The following MTMR2 variants were observed in gnomAD, a reference collection of about 807,000 sequenced individuals.
MTMR2 encodes phosphatidylinositol-3,5-bisphosphate 3-phosphatase MTMR2.
A neutral mutation model predicts 86.9 loss-of-function variants in MTMR2; 55 were observed. The observed-to-expected ratio is 0.63, with a 90% CI of 0.51 to 0.79. The LOEUF is 0.79. Ranked by LOEUF, MTMR2 falls within the 30% of genes least tolerant of loss-of-function variation. MTMR2 has a pLI of 0.00. For missense variants in MTMR2, 659 were observed against 772.3 expected, an observed-to-expected ratio of 0.85 and a Z score of 1.74; for synonymous variants, 241 against 266.8, an observed-to-expected ratio of 0.90 and a Z score of 0.94.
At chr11:95,897,111 T>C (rs1048452284) in intron 1 of MTMR2, among the ~76,000 whole-genome samples, 1 of 152,020 alleles carries the variant, frequency 6.6e-6, no homozygotes, top group African/African-American at 2.4e-5. Flanking sequence ...TTAACTTTTT[T>C]GGTGGTCATA....
At chr11:95,923,580 G>A (rs892992639) in intron 1 of MTMR2, 3 of 999,318 alleles carry the variant, frequency 3.0e-6, no homozygotes, top group South Asian at 2.2e-5. Context: ...AAAGGTTTGA[G>A]AGGGAATGAA....
At chr11:95,910,873 G>C (rs909814023) in intron 1 of MTMR2, among the ~76,000 whole-genome samples, 4 of 151,548 alleles carry the variant, frequency 2.6e-5, no homozygotes. Flanking sequence ...TTCTGTTGAA[G>C]ATTTTATTTA....
chr11:95,844,943 C>A lies in MTMR2; in HGVS notation c.1386+10G>T. 1 of 1,581,894 alleles carries A rather than the reference C, an allele frequency of 6.3e-7. No homozygotes were observed. Among genetic ancestry groups the A allele is most frequent in the Non-Finnish European group, 8.7e-7 (1 of 1,153,702 alleles). ...ATGTGATATATCCAAAGTCAAGGTT[C>A]CTTACTTACTAGTTGAAATCGATGT... is the stretch of plus-strand genomic sequence containing the variant. On this transcript the variant is annotated intron_variant, in intron 11 of 14. Transcript: ENST00000346299.
chr11:95,879,589 C>T lies in MTMR2; in HGVS notation c.186+8567G>A, dbSNP rs564974431. Among the ~76,000 whole-genome samples the T allele has an allele frequency of 9.8e-5, 15 of 152,292 alleles. No homozygotes were observed. In the South Asian group the frequency reaches 2.9e-3, roughly 29 times the overall value. ...TTTGACCTGCTCTTGACTAGTATCA[C>T]CTGTTTATGTACCCACAGCCTCTTC... On this transcript the variant is annotated intron_variant, in intron 2 of 14. Transcript: ENST00000346299.
chr11:95,897,120 T>C (rs1262695848), intron 1 of MTMR2, among the ~76,000 whole-genome samples: 4 of 152,002 alleles, frequency 2.6e-5, no homozygotes, highest in African/African-American at 9.7e-5. Flanking sequence ...TTGGTGGTCA[T>C]AGACCTCTTT....
intron 10 of MTMR2, among the ~76,000 whole-genome samples, chr11:95,846,961 ATCC>A (rs1218073691): frequency 6.6e-5 from 10 of 150,936 alleles, no homozygotes; most frequent in Admixed American, 4.6e-4. Context: ...GAGCAGAAGT[ATCC>A]TCCTTCTTAA....
At chr11:95,876,237 G>C (rs1271735349) in intron 2 of MTMR2, among the ~76,000 whole-genome samples, 1 of 152,230 alleles carries the variant, frequency 6.6e-6, no homozygotes, top group African/African-American at 2.4e-5. Flanking sequence ...TTGAGCTGCG[G>C]TGGGCTCCAC....
intron 11 of MTMR2, 34 bp downstream of exon 11, chr11:95,844,919 T>C: frequency 2.6e-6 from 4 of 1,519,408 alleles, no homozygotes; most frequent in Non-Finnish European, 3.6e-6. Flanking sequence ...CATGAATGCA[T>C]GTGATATATC....
chr11:95,860,111 CACT>C (rs1264507164), intron 5 of MTMR2, among the ~76,000 whole-genome samples: 1 of 152,106 alleles, frequency 6.6e-6, no homozygotes, highest in Non-Finnish European at 1.5e-5. Flanking sequence ...ATATTCTATG[CACT>C]ACTTACTCTT....
chr11:95,838,056 T>C (rs777732110), intron 13 of MTMR2, 38 bp downstream of exon 13: 5 of 1,214,776 alleles, frequency 4.1e-6, no homozygotes, highest in Non-Finnish European at 6.1e-6. Context: ...AAGTATACAG[T>C]AGAGATAGTA....
intron 12 of MTMR2, among the ~76,000 whole-genome samples, chr11:95,838,937 A>G (rs1863416987): frequency 6.6e-6 from 1 of 152,020 alleles, no homozygotes; most frequent in African/African-American, 2.4e-5. Flanking sequence ...ATCCTATCTA[A>G]TATTTCAGAA....
chr11:95,861,956 A>G (rs1864434918), intron 5 of MTMR2, 36 bp downstream of exon 5: 1 of 1,476,014 alleles, frequency 6.8e-7, no homozygotes, highest in South Asian at 1.1e-5. Flanking sequence ...AAGCTTTTCA[A>G]ACCAAAGAAA....
intron 10 of MTMR2, among the ~76,000 whole-genome samples, chr11:95,847,512 T>C (rs1472382403): frequency 6.6e-6 from 1 of 152,032 alleles, no homozygotes; most frequent in Non-Finnish European, 1.5e-5. Flanking sequence ...ACAAAAGAAA[T>C]ACAACATAAC....
At chr11:95,907,703 T>G (rs1279556796) in intron 1 of MTMR2, among the ~76,000 whole-genome samples, 1 of 152,196 alleles carries the variant, frequency 6.6e-6, no homozygotes, top group Admixed American at 6.5e-5. Flanking sequence ...GCAAGGCTGG[T>G]TCAATGTGCA....
chr11:95,891,398 C>T (rs1865707331), intron 1 of MTMR2, among the ~76,000 whole-genome samples: 1 of 151,410 alleles, frequency 6.6e-6, no homozygotes, highest in Non-Finnish European at 1.5e-5. Context: ...TTGCAGTGAG[C>T]TGAGATCATA....
chr11:95,903,893 T>C (rs1249335445), intron 1 of MTMR2, among the ~76,000 whole-genome samples: 1 of 152,092 alleles, frequency 6.6e-6, no homozygotes, highest in East Asian at 1.9e-4. Context: ...GGCAGGCGGA[T>C]CACGAGGTCA....
chr11:95,912,468 A>G (rs1255968053), intron 1 of MTMR2, among the ~76,000 whole-genome samples: 3 of 151,734 alleles, frequency 2.0e-5, no homozygotes, highest in Non-Finnish European at 4.4e-5. Flanking sequence ...TTTAAAAATC[A>G]TAGAATAAAA....
At chr11:95,848,678 T>TA (rs1863896288) in intron 9 of MTMR2, among the ~76,000 whole-genome samples, 1 of 152,168 alleles carries the variant, frequency 6.6e-6, no homozygotes, top group Non-Finnish European at 1.5e-5. Context: ...ACTGGAGCAG[T>TA]AAATTATACA....
rs563283171 is a variant in MTMR2 at position 95,889,517 on chromosome 11, G to T, written c.81-1256C>A. Among the ~76,000 whole-genome samples, 148 of 132,322 alleles carry T rather than the reference G, an allele frequency of 1.1e-3. 1 individual carries two copies. The highest frequency in any genetic ancestry group is 1.4e-3 in the Non-Finnish European group (89 of 62,612). The allele number at this position is 132,322 out of a possible 152,430, so 86.8% of individuals were successfully genotyped here. On this transcript the variant is annotated intron_variant, in intron 1 of 14. Coordinates refer to ENST00000346299, the MANE Select transcript of MTMR2 (RefSeq NM_016156.6). Reference sequence around the variant, plus strand: ...AAGAACAAAAATTATGTCTTTTTTGGGGGGGGAGGGGGGCGGGGGAGAAAT... The same window carrying T: ...AAGAACAAAAATTATGTCTTTTTTGTGGGGGGAGGGGGGCGGGGGAGAAAT...
Sources: allele counts gnomAD v4.1 joint callset (sites outside exome capture counted in the v4.1 genomes callset), GRCh38; gene constraint gnomAD v4.1.1; transcripts MANE v1.5; gene names NCBI Gene and HGNC (gene_info 2026-07-23, HGNC 2026-07-21).